DLGAP1: variants seen among roughly 807,000 people sequenced by gnomAD.
The protein encoded by DLGAP1 is disks large-associated protein 1.
A neutral mutation model predicts 90.8 loss-of-function variants in DLGAP1; 11 were observed. The ratio of observed to expected loss-of-function variants is 0.12; its 90% confidence interval spans 0.08 to 0.20. The LOEUF (loss-of-function observed/expected upper bound fraction) is 0.20, where lower values mean the gene tolerates loss of function less well. Among genes scored for constraint, DLGAP1 ranks in the 10% least tolerant of loss-of-function variants. The pLI is 1.00. For missense variants in DLGAP1, 1,050 were observed against 1,333.8 expected (o/e 0.79, Z 3.31); for synonymous variants, 558 against 540.7 (o/e 1.03, Z -0.44).
intron 5 of DLGAP1, among the ~76,000 whole-genome samples, chr18:3,808,060 A>G (rs1042757533): frequency 1.3e-5 from 2 of 152,230 alleles, no homozygotes; most frequent in Non-Finnish European, 2.9e-5. Flanking sequence ...ATTTTTTTAA[A>G]AACTAGGAGT....
chr18:3,977,261 G>T (rs868822474), intron 3 of DLGAP1, among the ~76,000 whole-genome samples: 4 of 151,866 alleles, frequency 2.6e-5, no homozygotes, highest in African/African-American at 4.8e-5. Context: ...TAGTAGAGAC[G>T]GGGTTTTCCC....
intron 1 of DLGAP1, among the ~76,000 whole-genome samples, chr18:4,349,218 C>G (rs900433906): frequency 6.6e-6 from 1 of 152,012 alleles, no homozygotes; most frequent in African/African-American, 2.4e-5. Flanking sequence ...CTGCAGTATT[C>G]GTGCAAAAAT....
chr18:4,385,589 G>A (rs534904563), intron 1 of DLGAP1, among the ~76,000 whole-genome samples: 4 of 152,102 alleles, frequency 2.6e-5, no homozygotes, highest in South Asian at 2.1e-4. Flanking sequence ...TAAAACAAGC[G>A]CCATGGGAAT....
chr18:3,772,404 C>CTT (rs2064711449), intron 5 of DLGAP1, among the ~76,000 whole-genome samples: 1 of 38,738 alleles, frequency 2.6e-5, no homozygotes, highest in African/African-American at 6.4e-5. Flanking sequence ...TTCTTTCTTT[C>CTT]TTTCTCTTTC....
chr18:4,302,341 C>T (rs1340766112), intron 1 of DLGAP1, among the ~76,000 whole-genome samples: 1 of 152,058 alleles, frequency 6.6e-6, no homozygotes, highest in Non-Finnish European at 1.5e-5. Context: ...GATAAGGGTC[C>T]AATTTCATTG....
intron 1 of DLGAP1, among the ~76,000 whole-genome samples, chr18:4,179,136 C>T (rs2077165290): frequency 6.6e-6 from 1 of 152,154 alleles, no homozygotes; most frequent in Admixed American, 6.5e-5. Context: ...GCCCTTTAAG[C>T]TTAAGACAAA....
At chr18:3,516,497 G>T (rs1252896400) in intron 10 of DLGAP1, among the ~76,000 whole-genome samples, 1 of 152,148 alleles carries the variant, frequency 6.6e-6, no homozygotes, top group East Asian at 1.9e-4. Flanking sequence ...TAACTAAGAA[G>T]ACTTGCAAGT....
chr18:3,657,607 T>C (rs991100313), intron 7 of DLGAP1, among the ~76,000 whole-genome samples: 1 of 150,880 alleles, frequency 6.6e-6, no homozygotes, highest in Admixed American at 6.6e-5. Context: ...GGAATTCTTT[T>C]TTTTTTTTTT....
intron 2 of DLGAP1, among the ~76,000 whole-genome samples, chr18:4,073,253 T>G (rs1032196481): frequency 6.6e-6 from 1 of 152,150 alleles, no homozygotes; most frequent in African/African-American, 2.4e-5. Flanking sequence ...TCATAACCAA[T>G]TTTTTGAAAA....
intron 2 of DLGAP1, among the ~76,000 whole-genome samples, chr18:4,085,845 C>T (rs1230325381): frequency 6.6e-6 from 1 of 152,194 alleles, no homozygotes; most frequent in East Asian, 1.9e-4. Context: ...CCCTCTTCTT[C>T]CAATGTTTCA....
intron 2 of DLGAP1, among the ~76,000 whole-genome samples, chr18:4,016,874 A>C (rs1254438037): frequency 6.6e-6 from 1 of 152,172 alleles, no homozygotes; most frequent in Non-Finnish European, 1.5e-5. Flanking sequence ...TCTCATACAT[A>C]AAGTAGGGAT....
At chr18:4,265,113 T>TC (rs1040032094) in intron 1 of DLGAP1, among the ~76,000 whole-genome samples, 1 of 151,054 alleles carries the variant, frequency 6.6e-6, no homozygotes, top group African/African-American at 2.5e-5. Flanking sequence ...TTTCCTTCCT[T>TC]CCTTCCTTCC....
At chr18:3,860,484 A>T (rs2069979016) in intron 4 of DLGAP1, among the ~76,000 whole-genome samples, 1 of 152,200 alleles carries the variant, frequency 6.6e-6, no homozygotes, top group Non-Finnish European at 1.5e-5. Flanking sequence ...ATAGACATGA[A>T]ATATCTCACT....
intron 4 of DLGAP1, among the ~76,000 whole-genome samples, chr18:3,840,361 C>T (rs1262052523): frequency 6.6e-6 from 1 of 152,170 alleles, no homozygotes; most frequent in African/African-American, 2.4e-5. Context: ...CCTCTGGAGG[C>T]TCGAGGGGAG....
At chr18:3,658,186 G>A (rs1463159973) in intron 7 of DLGAP1, among the ~76,000 whole-genome samples, 5 of 152,170 alleles carry the variant, frequency 3.3e-5, no homozygotes, top group Non-Finnish European at 5.9e-5. Context: ...TCCACCATAC[G>A]GGTATGGTAG....
chr18:3,769,584 T>C (rs910305135), intron 5 of DLGAP1, among the ~76,000 whole-genome samples: 2 of 152,182 alleles, frequency 1.3e-5, no homozygotes, highest in African/African-American at 4.8e-5. Flanking sequence ...CAGAGAACTA[T>C]GCTGAATGAA....
intron 1 of DLGAP1, among the ~76,000 whole-genome samples, chr18:4,327,663 C>G (rs757866109): frequency 1.3e-5 from 2 of 151,976 alleles, no homozygotes; most frequent in African/African-American, 2.4e-5. Flanking sequence ...GGGTACACTC[C>G]AGATGTACTC....
intron 1 of DLGAP1, among the ~76,000 whole-genome samples, chr18:4,244,731 CAT>C (rs2078618334): frequency 6.6e-6 from 1 of 152,178 alleles, no homozygotes; most frequent in African/African-American, 2.4e-5. Context: ...TCACCATCAA[CAT>C]CACAAGGATA....
chr18:4,282,839 T>C (rs767966288), intron 1 of DLGAP1, among the ~76,000 whole-genome samples: 35 of 152,198 alleles, frequency 2.3e-4, no homozygotes, highest in Non-Finnish European at 4.4e-4. Context: ...ATGGATATGA[T>C]CATAGCAAAT....
Sources: gnomAD v4.1 joint callset for allele counts (sites outside exome capture counted in the v4.1 genomes callset) on GRCh38, gnomAD v4.1.1 for gene constraint, MANE v1.5 for transcripts, NCBI Gene and HGNC (gene_info 2026-07-23, HGNC 2026-07-21) for gene names.